HHLA2: variants seen among roughly 807,000 people sequenced by gnomAD.
HHLA2 encodes the protein HERV-H LTR-associating protein 2.
A neutral mutation model predicts 45.9 loss-of-function variants in HHLA2; 48 were observed. The observed-to-expected ratio is 1.05, with a 90% CI of 0.83 to 1.33. The LOEUF is 1.33. HHLA2 is among the 40% of genes most tolerant of loss of function. The probability of loss-of-function intolerance (pLI) is 0.00; values close to 1 mark genes in which losing one functional copy is unlikely to be tolerated. For missense variants in HHLA2, 462 were observed against 494.3 expected (o/e 0.93, Z 0.62); for synonymous variants, 161 against 173.9 (o/e 0.93, Z 0.59).
At chr3:108,347,104 A>G (rs1292760280) in intron 3 of HHLA2, among the ~76,000 whole-genome samples, 1 of 152,156 alleles carries the variant, frequency 6.6e-6, no homozygotes, top group Non-Finnish European at 1.5e-5. Flanking sequence ...AGTATAATCT[A>G]AGGTGGAAGC....
chr3:108,318,752 C>T (rs2081146446), intron 2 of HHLA2, among the ~76,000 whole-genome samples: 1 of 152,192 alleles, frequency 6.6e-6, no homozygotes, highest in Non-Finnish European at 1.5e-5. Flanking sequence ...CTGTGTCTGT[C>T]TTTAAGCTAT....
chr3:108,341,475 T>A (rs529966933), intron 3 of HHLA2, among the ~76,000 whole-genome samples: 1 of 152,312 alleles, frequency 6.6e-6, no homozygotes, highest in East Asian at 1.9e-4. Context: ...AGATTAAAAG[T>A]GTTTTTGCTA....
intron 6 of HHLA2, among the ~76,000 whole-genome samples, chr3:108,356,422 C>A (rs570805401): frequency 1.3e-5 from 2 of 151,950 alleles, no homozygotes; most frequent in African/African-American, 4.8e-5. Flanking sequence ...TCAGTCTTCT[C>A]TTTCCTAGCA....
intron 8 of HHLA2, among the ~76,000 whole-genome samples, chr3:108,371,637 C>G (rs2082174714): frequency 6.6e-6 from 1 of 152,068 alleles, no homozygotes. Context: ...GAAGATCTAC[C>G]AAGCAAATGA....
chr3:108,329,187 T>G (rs2081342509), intron 3 of HHLA2, among the ~76,000 whole-genome samples: 1 of 152,178 alleles, frequency 6.6e-6, no homozygotes, highest in South Asian at 2.1e-4. Flanking sequence ...TGTAAGAAAG[T>G]GCCACAGGAG....
Position 108,299,806 on chromosome 3 carries a change from G to A in HHLA2, c.-192+3207G>A, listed in dbSNP as rs556925232. Reference sequence around the variant, plus strand: ...TCCAGCTCAAATACTATTGACATTCGCTAGGTACCATTTCGTGTAGGAGCA... The same window carrying A: ...TCCAGCTCAAATACTATTGACATTCACTAGGTACCATTTCGTGTAGGAGCA... On this transcript the variant is annotated intron_variant, in intron 1 of 10. Transcript: ENST00000619531. Among the ~76,000 whole-genome samples the A allele has an allele frequency of 6.9e-4, 105 of 152,130 alleles. 1 individual carries two copies. Among genetic ancestry groups the A allele is most frequent in the Middle Eastern group, 6.8e-3 (2 of 294 alleles).
intron 3 of HHLA2, among the ~76,000 whole-genome samples, chr3:108,349,781 T>C (rs1282920362): frequency 6.6e-6 from 1 of 152,010 alleles, no homozygotes; most frequent in Non-Finnish European, 1.5e-5. Context: ...GATAGGAGGA[T>C]GAGGGAGTAG....
intron 1 of HHLA2, among the ~76,000 whole-genome samples, chr3:108,296,928 C>G (rs1053829791): frequency 6.6e-6 from 1 of 152,176 alleles, no homozygotes; most frequent in Admixed American, 6.5e-5. Context: ...TTAAAAAAAT[C>G]TCTAAGAGTG....
intron 8 of HHLA2, among the ~76,000 whole-genome samples, chr3:108,365,673 T>C (rs1324372522): frequency 6.6e-6 from 1 of 152,230 alleles, no homozygotes; most frequent in Non-Finnish European, 1.5e-5. Flanking sequence ...CAGTGGTTTG[T>C]AGTTCTCCTT....
chr3:108,356,153 C>A (rs528646577), intron 6 of HHLA2, among the ~76,000 whole-genome samples: 3 of 151,776 alleles, frequency 2.0e-5, no homozygotes, highest in South Asian at 4.2e-4. Context: ...TCTCAGCCTC[C>A]TGAGTAGCTG....
intron 1 of HHLA2, among the ~76,000 whole-genome samples, chr3:108,307,082 C>CTGACCTCAGG (rs546084520): frequency 6.6e-6 from 1 of 152,114 alleles, no homozygotes; most frequent in Non-Finnish European, 1.5e-5. Flanking sequence ...TCTTGAACTC[C>CTGACCTCAGG]TGACCTCAGG....
intron 2 of HHLA2, among the ~76,000 whole-genome samples, chr3:108,312,538 A>G (rs2081037162): frequency 1.3e-5 from 2 of 152,162 alleles, no homozygotes; most frequent in South Asian, 2.1e-4. Context: ...TTGCCCAGAG[A>G]TGCCTGGGAA....
exon 3 of HHLA2, chr3:108,328,304 A>T: frequency 6.5e-7 from 1 of 1,529,532 alleles, no homozygotes; most frequent in Non-Finnish European, 8.7e-7. Flanking sequence ...ACAGATTGTG[A>T]TGGTGATGTG....
intron 1 of HHLA2, among the ~76,000 whole-genome samples, chr3:108,309,089 C>T (rs1049689953): frequency 1.3e-5 from 2 of 152,158 alleles, no homozygotes; most frequent in African/African-American, 2.4e-5. Context: ...TTCCCCAGAC[C>T]AATGTCCTAG....
chr3:108,331,256 A>T (rs956977951), intron 3 of HHLA2, among the ~76,000 whole-genome samples: 5 of 152,128 alleles, frequency 3.3e-5, no homozygotes, highest in South Asian at 2.1e-4. Context: ...CTCTATGGGG[A>T]TTTGTATTTT....
chr3:108,316,523 C>T (rs1201829903), intron 2 of HHLA2, among the ~76,000 whole-genome samples: 3 of 152,146 alleles, frequency 2.0e-5, no homozygotes, highest in Non-Finnish European at 2.9e-5. Context: ...AAAGGCATCA[C>T]CCAGGTTCAG....
At chr3:108,372,718 G>C (rs1272420262) in intron 8 of HHLA2, among the ~76,000 whole-genome samples, 2 of 152,218 alleles carry the variant, frequency 1.3e-5, no homozygotes, top group African/African-American at 4.8e-5. Flanking sequence ...GAATAAACTA[G>C]AAAATCTAGA....
chr3:108,322,207 C>T (rs115821184), intron 2 of HHLA2, among the ~76,000 whole-genome samples: 1 of 152,304 alleles, frequency 6.6e-6, no homozygotes, highest in African/African-American at 2.4e-5. Flanking sequence ...TGGGCCATGC[C>T]TCTCAGGCGG....
At chr3:108,350,092 A>T (rs1027714095) in intron 3 of HHLA2, among the ~76,000 whole-genome samples, 1 of 152,186 alleles carries the variant, frequency 6.6e-6, no homozygotes, top group African/African-American at 2.4e-5. Flanking sequence ...AATGAGTTTA[A>T]TGATTACTTG....
Sources: allele counts gnomAD v4.1 joint callset (sites outside exome capture counted in the v4.1 genomes callset), GRCh38; gene constraint gnomAD v4.1.1; transcripts MANE v1.5; gene names NCBI Gene and HGNC (gene_info 2026-07-23, HGNC 2026-07-21).